Variants in ZNG1B observed in about 807,000 individuals in gnomAD.
ZNG1B encodes the protein Zn regulated GTPase metalloprotein activator 1B.
the ZNG1B span, among the ~76,000 whole-genome samples, chr2:113,477,768 A>C: frequency 6.6e-6 from 1 of 152,254 alleles, no homozygotes; most frequent in Non-Finnish European, 1.5e-5. Context: ...GATCTCTGGA[A>C]CGTTTCACTC....
chr2:113,446,345 A>G, the ZNG1B span, among the ~76,000 whole-genome samples: 3 of 152,194 alleles, frequency 2.0e-5, no homozygotes, highest in Non-Finnish European at 4.4e-5. Flanking sequence ...TTTCTTTACA[A>G]TAAAGATTTT....
the ZNG1B span, chr2:113,437,754 TG>T: frequency 6.6e-7 from 1 of 1,505,744 alleles, no homozygotes; most frequent in South Asian, 1.2e-5. Context: ...AGCGTCGCGA[TG>T]TGATGACGTC....
At chr2:113,442,163 A>G in the ZNG1B span, among the ~76,000 whole-genome samples, 1 of 152,304 alleles carries the variant, frequency 6.6e-6, no homozygotes, top group South Asian at 2.1e-4. Flanking sequence ...TCTGCAATGC[A>G]GTTAAAACTC....
the ZNG1B span, among the ~76,000 whole-genome samples, chr2:113,483,483 G>T: frequency 1.3e-5 from 2 of 149,694 alleles, no homozygotes; most frequent in Non-Finnish European, 3.0e-5. Context: ...AATCAGAATC[G>T]CATGTGGAGC....
At chr2:113,467,893 GAAGAGATAGAGAACTTA>G in the ZNG1B span, among the ~76,000 whole-genome samples, 1 of 136,866 alleles carries the variant, frequency 7.3e-6, no homozygotes, top group Admixed American at 7.6e-5. Context: ...TAGTATGACT[GAAGAGATAGAGAACTTA>G]CCACAAAGGG....
At chr2:113,468,690 T>C in the ZNG1B span, 15 of 151,588 alleles carry the variant, frequency 9.9e-5, no homozygotes, top group African/African-American at 3.7e-4. Flanking sequence ...GGAAATTAAT[T>C]TGATGCCATG....
the ZNG1B span, among the ~76,000 whole-genome samples, chr2:113,487,716 A>T: frequency 2.3e-3 from 350 of 150,778 alleles, 3 homozygotes; most frequent in African/African-American, 8.2e-3. Context: ...GATTTTTTTT[A>T]AGGATACATA....
At chr2:113,473,134 C>T in the ZNG1B span, among the ~76,000 whole-genome samples, 1 of 150,802 alleles carries the variant, frequency 6.6e-6, no homozygotes, top group East Asian at 2.0e-4. Context: ...AATGTTCTTC[C>T]ATTTGTTTGT....
the ZNG1B span, among the ~76,000 whole-genome samples, chr2:113,478,072 T>C: frequency 6.6e-6 from 1 of 152,132 alleles, no homozygotes; most frequent in Non-Finnish European, 1.5e-5. Flanking sequence ...TTAGTGGACA[T>C]TTAACTTGTT....
chr2:113,462,860 T>C, the ZNG1B span: 1 of 366,232 alleles, frequency 2.7e-6, no homozygotes, highest in Non-Finnish European at 4.8e-6. Flanking sequence ...TTACTCATAA[T>C]GTATTCTCAC....
At chr2:113,473,839 A>C in the ZNG1B span, among the ~76,000 whole-genome samples, 1 of 143,762 alleles carries the variant, frequency 7.0e-6, no homozygotes, top group South Asian at 2.2e-4. Context: ...GATGAAGCCC[A>C]CTTGATCATG....
At chr2:113,439,012 C>T in the ZNG1B span, 20 of 1,209,218 alleles carry the variant, frequency 1.7e-5, no homozygotes, top group Non-Finnish European at 2.2e-5. Flanking sequence ...TTTGGCGTTT[C>T]CCCACAGTTA....
the ZNG1B span, among the ~76,000 whole-genome samples, chr2:113,448,634 G>A: frequency 6.6e-6 from 1 of 151,936 alleles, no homozygotes; most frequent in Non-Finnish European, 1.5e-5. Flanking sequence ...GCCGGGCTCG[G>A]TGGCTCATGC....
chr2:113,476,830 G>A, the ZNG1B span, among the ~76,000 whole-genome samples: 27 of 152,330 alleles, frequency 1.8e-4, no homozygotes, highest in Non-Finnish European at 2.1e-4. Context: ...TAGGCTGCTC[G>A]GGGGTCAGGG....
chr2:113,489,018 T>A, the ZNG1B span, among the ~76,000 whole-genome samples: 4 of 147,204 alleles, frequency 2.7e-5, no homozygotes, highest in South Asian at 8.7e-4. Context: ...ACAAAGAACA[T>A]CTGGGAAATT....
the ZNG1B span, among the ~76,000 whole-genome samples, chr2:113,483,735 A>T: frequency 0.18 from 26,121 of 147,498 alleles, 1,440 homozygotes; most frequent in East Asian, 0.35. Flanking sequence ...TGGAGTATTT[A>T]AAAAAAACAA....
the ZNG1B span, chr2:113,441,297 T>C: frequency 1.1e-5 from 12 of 1,139,980 alleles, no homozygotes; most frequent in Non-Finnish European, 1.4e-5. Context: ...ATATGTTTTT[T>C]GTATCTTTAA....
the ZNG1B span, among the ~76,000 whole-genome samples, chr2:113,450,398 C>T: frequency 6.7e-6 from 1 of 149,320 alleles, no homozygotes; most frequent in Non-Finnish European, 1.5e-5. Context: ...CTGTTTTCTC[C>T]AGTGTCTGTC....
the ZNG1B span, among the ~76,000 whole-genome samples, chr2:113,463,564 AT>A: frequency 6.6e-6 from 1 of 152,338 alleles, no homozygotes; most frequent in South Asian, 2.1e-4. Flanking sequence ...CTATAAAAAA[AT>A]ATAATGTCTC....
Sources: allele counts gnomAD v4.1 joint callset (sites outside exome capture counted in the v4.1 genomes callset), GRCh38; gene constraint gnomAD v4.1.1; transcripts MANE v1.5; gene names NCBI Gene and HGNC (gene_info 2026-07-23, HGNC 2026-07-21).